HK1: variants seen among roughly 807,000 people sequenced by gnomAD.
HK1 encodes the protein hexokinase 1.
In HK1, 28 loss-of-function variants were observed where a neutral mutation model predicts 91.6. That is an observed-to-expected ratio of 0.31 (90% CI 0.23 to 0.42). HK1 has a LOEUF of 0.42. HK1 is among the 10% of genes least tolerant of loss of function. The probability of loss-of-function intolerance (pLI) is 1.00; values close to 1 mark genes in which losing one functional copy is unlikely to be tolerated. For synonymous variants in HK1, 430 were observed against 468.1 expected, an observed-to-expected ratio of 0.92 and a Z score of 1.05; for missense variants, 770 against 1,219.8, an observed-to-expected ratio of 0.63 and a Z score of 5.49.
chr10:69,359,115 A>G (rs956837575), intron 2 of HK1, among the ~76,000 whole-genome samples: 4 of 152,196 alleles, frequency 2.6e-5, no homozygotes, highest in African/African-American at 9.7e-5. Flanking sequence ...TTATGCTAAG[A>G]GGAATAAGCC....
At chr10:69,273,688 A>G (rs78504389) in intron 1 of HK1, among the ~76,000 whole-genome samples, 4,659 of 152,338 alleles carry the variant, frequency 0.031, 231 homozygotes, top group African/African-American at 0.11. Flanking sequence ...CTTCAAGTTC[A>G]GTGACAGATT....
intron 2 of HK1, among the ~76,000 whole-genome samples, chr10:69,283,804 AAAAAAAAAAAAAAGAAAAG>A (rs1844883833): frequency 6.7e-6 from 1 of 149,932 alleles, no homozygotes; most frequent in Non-Finnish European, 1.5e-5. Context: ...GTCTCAAAAA[AAAAAAAAAAAAAAGAAAAG>A]AAAAAAAGAA....
intron 15 of HK1, among the ~76,000 whole-genome samples, chr10:69,393,875 G>A (rs1456090950): frequency 6.6e-6 from 1 of 152,182 alleles, no homozygotes; most frequent in Non-Finnish European, 1.5e-5. Context: ...TTGAGACCCT[G>A]TCTCTACTAA....
intron 1 of HK1, among the ~76,000 whole-genome samples, chr10:69,337,343 A>G (rs1160716555): frequency 4.6e-5 from 7 of 152,142 alleles, no homozygotes; most frequent in African/African-American, 1.7e-4. Flanking sequence ...TCTCCTAGAT[A>G]ATGGAGATAA....
rs1352014403 is a variant in HK1 at position 69,380,307 on chromosome 10, C to T, written c.1265+212C>T. 6.6e-6 allele frequency among the ~76,000 whole-genome samples: 1 copy of T among 152,106 alleles called. No homozygotes were observed. Among genetic ancestry groups the T allele is most frequent in the Non-Finnish European group, 1.5e-5 (1 of 68,024 alleles). ...CAGCCTGGGCAACATAGTAAGACCTCATCTTTACGAAAAATTGAAAATAAA... is the reference window on the plus strand; with the variant it reads ...CAGCCTGGGCAACATAGTAAGACCTTATCTTTACGAAAAATTGAAAATAAA... On this transcript the variant is annotated intron_variant, in intron 9 of 17. Coordinates refer to ENST00000359426, the MANE Select transcript of HK1 (RefSeq NM_000188.3). The surrounding 1 kb of genome is among the most constrained non-coding windows in gnomAD (Gnocchi z 4.0).
intron 8 of HK1, among the ~76,000 whole-genome samples, chr10:69,378,717 G>A (rs1422298482): frequency 1.3e-5 from 2 of 152,076 alleles, no homozygotes; most frequent in African/African-American, 2.4e-5. Flanking sequence ...ACTGTGCCCA[G>A]CCCCCATCCT....
intron 1 of HK1, among the ~76,000 whole-genome samples, chr10:69,324,787 G>A (rs893326877): frequency 2.0e-5 from 3 of 152,098 alleles, no homozygotes; most frequent in African/African-American, 7.2e-5. Context: ...GTGTTAGTCT[G>A]TTTGGAGTAG....
chr10:69,382,123 C>G (rs1839416087), intron 9 of HK1, among the ~76,000 whole-genome samples: 1 of 152,222 alleles, frequency 6.6e-6, no homozygotes, highest in Non-Finnish European at 1.5e-5. Context: ...GGCACAGTGG[C>G]CCATGCCTGT....
At chr10:69,334,437 T>C (rs539667453) in intron 1 of HK1, among the ~76,000 whole-genome samples, 1 of 152,258 alleles carries the variant, frequency 6.6e-6, no homozygotes, top group African/African-American at 2.4e-5. Flanking sequence ...CCTCTGTCCC[T>C]CTGGGCCTCA....
chr10:69,318,784 AC>A, upstream of HK1: 1 of 1,335,326 alleles, frequency 7.5e-7, no homozygotes, highest in South Asian at 1.7e-5. Context: ...GAGCGCGGAG[AC>A]CGGGAGCGCG....
intron 1 of HK1, among the ~76,000 whole-genome samples, chr10:69,332,163 T>C (rs1036733945): frequency 1.3e-5 from 2 of 152,150 alleles, no homozygotes; most frequent in African/African-American, 4.8e-5. Flanking sequence ...TGTTGGACAG[T>C]GCTCTGCTAG....
At chr10:69,280,305 G>C (rs926395738) in intron 1 of HK1, among the ~76,000 whole-genome samples, 5 of 152,126 alleles carry the variant, frequency 3.3e-5, no homozygotes, top group Non-Finnish European at 7.4e-5. Flanking sequence ...TTTTAGTAGA[G>C]ACAGGGTTTC....
At chr10:69,344,697 A>C (rs1460503585) in intron 2 of HK1, among the ~76,000 whole-genome samples, 1 of 152,192 alleles carries the variant, frequency 6.6e-6, no homozygotes, top group Non-Finnish European at 1.5e-5. Context: ...CAGCCCCTGC[A>C]CCTGGCTGAG....
chr10:69,359,193 G>C (rs1352221955), intron 2 of HK1, among the ~76,000 whole-genome samples: 1 of 152,178 alleles, frequency 6.6e-6, no homozygotes, highest in Non-Finnish European at 1.5e-5. Flanking sequence ...CAAGTTCATA[G>C]AGACAGAGAG....
At chr10:69,332,385 T>TTTTCTTTCTTTCTTTCTTTCTTTCTTTC (rs1847776445) in intron 1 of HK1, among the ~76,000 whole-genome samples, 5 of 133,356 alleles carry the variant, frequency 3.7e-5, no homozygotes, top group South Asian at 2.4e-4. Flanking sequence ...TTCTTTCTTT[T>TTTTCTTTCTTTCTTTCTTTCTTTCTTTC]TTTCTTTTTT....
At chr10:69,386,104 C>A (rs1839617181) in intron 12 of HK1, among the ~76,000 whole-genome samples, 1 of 104,222 alleles carries the variant, frequency 9.6e-6, no homozygotes, top group Non-Finnish European at 2.0e-5. Context: ...ACCTAATGTG[C>A]CTCATGCTCC....
intron 1 of HK1, 51 bp downstream of exon 1, chr10:69,319,061 G>A: frequency 6.4e-7 from 1 of 1,559,324 alleles, no homozygotes; most frequent in Non-Finnish European, 8.7e-7. Context: ...CTTGCGTTCC[G>A]GCATCCGCTC....
chr10:69,338,409 A>G, intron 1 of HK1: 1 of 1,229,506 alleles, frequency 8.1e-7, no homozygotes, highest in Non-Finnish European at 1.0e-6. Flanking sequence ...CCAGAGTCCC[A>G]CATATTCGTC....
At chr10:69,288,811 C>A in intron 3 of HK1, 18 of 1,566,506 alleles carry the variant, frequency 1.1e-5, no homozygotes, top group Non-Finnish European at 1.6e-5. Flanking sequence ...TTTTTTGAGA[C>A]GTTTTTGTTC....
Sources: gnomAD v4.1 joint callset for allele counts (sites outside exome capture counted in the v4.1 genomes callset) on GRCh38, gnomAD v4.1.1 for gene constraint, Gnocchi (gnomAD v3.1) non-coding constraint, MANE v1.5 for transcripts, NCBI Gene and HGNC (gene_info 2026-07-23, HGNC 2026-07-21) for gene names.